The following GSTCD variants were observed in gnomAD, a reference collection of about 807,000 sequenced individuals.
GSTCD encodes the protein glutathione S-transferase C-terminal domain-containing protein.
In GSTCD, 44 loss-of-function variants were observed where a neutral mutation model predicts 68.3. The ratio of observed to expected loss-of-function variants is 0.64; its 90% CI spans 0.51 to 0.83. GSTCD has a LOEUF of 0.83. GSTCD is among the 40% of genes least tolerant of loss of function. The pLI, the probability that GSTCD is intolerant of heterozygous loss-of-function variation, is 0.00. For missense variants in GSTCD, 739 were observed against 735.9 expected (o/e 1.00, Z -0.05); for synonymous variants, 273 against 255.2 (o/e 1.07, Z -0.67).
At chr4:105,784,226 A>G (rs1735382778) in intron 5 of GSTCD, among the ~76,000 whole-genome samples, 1 of 152,202 alleles carries the variant, frequency 6.6e-6, no homozygotes, top group Non-Finnish European at 1.5e-5. Context: ...TAGACTAGGT[A>G]AATTATAAAA....
At chr4:105,761,362 T>C (rs7665588) in intron 5 of GSTCD, 32,208 of 154,658 alleles carry the variant, frequency 0.21, 6,711 homozygotes, top group African/African-American at 0.54. Context: ...GAGGCATCAA[T>C]ACTGTTACAG....
intron 5 of GSTCD, among the ~76,000 whole-genome samples, chr4:105,758,163 A>G (rs1392386108): frequency 6.6e-6 from 1 of 152,206 alleles, no homozygotes; most frequent in Non-Finnish European, 1.5e-5. Context: ...GATTTAATAT[A>G]TTTTGCTGAA....
At chr4:105,779,542 C>T (rs1735199630) in intron 5 of GSTCD, among the ~76,000 whole-genome samples, 1 of 152,074 alleles carries the variant, frequency 6.6e-6, no homozygotes, top group Non-Finnish European at 1.5e-5. Flanking sequence ...TATGGAATAA[C>T]ACTTTCTCTG....
chr4:105,757,982 T>C (rs533538642), intron 5 of GSTCD, among the ~76,000 whole-genome samples: 2 of 152,334 alleles, frequency 1.3e-5, no homozygotes, highest in South Asian at 4.1e-4. Flanking sequence ...CTTTTTATTA[T>C]ACAGTGAGAT....
intron 5 of GSTCD, among the ~76,000 whole-genome samples, chr4:105,802,142 A>G (rs1736128136): frequency 6.6e-6 from 1 of 152,110 alleles, no homozygotes; most frequent in African/African-American, 2.4e-5. Flanking sequence ...AACTACTTAG[A>G]CTAAAGCTTG....
chr4:105,795,085 A>C (rs538683129), intron 5 of GSTCD, among the ~76,000 whole-genome samples: 1 of 152,172 alleles, frequency 6.6e-6, no homozygotes, highest in East Asian at 1.9e-4. Context: ...CATGTTGGCC[A>C]GGCTGGTCTC....
intron 5 of GSTCD, among the ~76,000 whole-genome samples, chr4:105,812,818 T>C (rs1438895173): frequency 6.6e-6 from 1 of 152,096 alleles, no homozygotes; most frequent in Non-Finnish European, 1.5e-5. Flanking sequence ...TTAATAATGA[T>C]GAAAATTTCT....
chr4:105,818,426 T>C (rs1723112211), intron 5 of GSTCD, among the ~76,000 whole-genome samples: 1 of 151,816 alleles, frequency 6.6e-6, no homozygotes, highest in South Asian at 2.1e-4. Context: ...AACTAATTCA[T>C]AAGGTGTGAG....
intron 5 of GSTCD, among the ~76,000 whole-genome samples, chr4:105,746,760 T>C (rs945131778): frequency 6.6e-6 from 1 of 152,228 alleles, no homozygotes; most frequent in Non-Finnish European, 1.5e-5. Flanking sequence ...ATATAAATAC[T>C]CTGGTTTTTT....
At chr4:105,729,669 G>T (rs1055252939) in intron 5 of GSTCD, among the ~76,000 whole-genome samples, 170 bp downstream of exon 5, 1 of 151,806 alleles carries the variant, frequency 6.6e-6, no homozygotes, top group Admixed American at 6.6e-5. Flanking sequence ...ACACCACTTA[G>T]ATTTAATATT....
At chr4:105,743,549 A>T (rs1307533336) in intron 5 of GSTCD, among the ~76,000 whole-genome samples, 1 of 151,744 alleles carries the variant, frequency 6.6e-6, no homozygotes, top group African/African-American at 2.4e-5. Context: ...TGAGGATTTA[A>T]TGTACATTAT....
intron 10 of GSTCD, chr4:105,840,209 T>G (rs1351756380): frequency 4.4e-6 from 2 of 455,790 alleles, no homozygotes; most frequent in African/African-American, 4.0e-5. Flanking sequence ...GCGATTGCCT[T>G]GACATTACCA....
chr4:105,803,362 TCA>T (rs1736180726), intron 5 of GSTCD, among the ~76,000 whole-genome samples: 1 of 151,668 alleles, frequency 6.6e-6, no homozygotes, highest in African/African-American at 2.4e-5. Flanking sequence ...AGCTTAAGAG[TCA>T]GAGAGGAGAT....
rs746453685 is a variant in GSTCD at position 105,719,275 on chromosome 4, G to A, written c.642G>A (p.Lys214=). ...ATGGAGTTGGGCCTCCCCTTACTAA[G>A]GGAAAGGCAAAGAGCAAGGTCCACA... The part of the protein sequence containing the change: ...KADGVGPPLT[K]GKAKSKVHTQ... The change falls in exon 3 of 12, where the codon AAG becomes AAA. Residue 214 remains lysine, a synonymous_variant. Transcript: ENST00000515279. The A allele has an allele frequency of 3.7e-6, 6 of 1,613,928 alleles. No individual in the cohort carries two copies. The African/African-American group carries it at 5.3e-5, about 14-fold the overall frequency.
chr4:105,730,608 A>G (rs1733202326), intron 5 of GSTCD, among the ~76,000 whole-genome samples: 1 of 151,912 alleles, frequency 6.6e-6, no homozygotes, highest in African/African-American at 2.4e-5. Context: ...TTTCTTGTAA[A>G]TTTGTTTGAG....
At chr4:105,814,003 A>T (rs1028846825) in intron 5 of GSTCD, among the ~76,000 whole-genome samples, 1 of 152,146 alleles carries the variant, frequency 6.6e-6, no homozygotes, top group South Asian at 2.1e-4. Flanking sequence ...CTTTAAAAAA[A>T]TTTGCTAAAT....
At chr4:105,721,695 TA>T (rs1732862732) in intron 3 of GSTCD, among the ~76,000 whole-genome samples, 1 of 152,076 alleles carries the variant, frequency 6.6e-6, no homozygotes, top group African/African-American at 2.4e-5. Context: ...AATGCTAAGG[TA>T]TTATATATAA....
intron 5 of GSTCD, among the ~76,000 whole-genome samples, chr4:105,777,400 G>A (rs1043668419): frequency 7.9e-5 from 12 of 152,020 alleles, no homozygotes; most frequent in African/African-American, 1.9e-4. Flanking sequence ...CAGAATTCCC[G>A]AAACCTCTTT....
intron 5 of GSTCD, among the ~76,000 whole-genome samples, chr4:105,812,683 C>T (rs1243999598): frequency 2.6e-5 from 4 of 151,794 alleles, no homozygotes; most frequent in Non-Finnish European, 4.4e-5. Flanking sequence ...AAATCCAAGC[C>T]ATTTATATAT....
Sources: allele counts gnomAD v4.1 joint callset (sites outside exome capture counted in the v4.1 genomes callset), GRCh38; gene constraint gnomAD v4.1.1; transcripts MANE v1.5; gene names NCBI Gene and HGNC (gene_info 2026-07-23, HGNC 2026-07-21).